Variants in CCDC175 observed in about 807,000 individuals in gnomAD.
The protein encoded by CCDC175 is coiled-coil domain containing 175, also known as coiled-coil domain-containing protein 175.
Under a neutral mutation model 114.6 loss-of-function variants are expected in CCDC175, and 100 were observed. That is an observed-to-expected ratio of 0.87 (90% CI 0.74 to 1.03). The LOEUF (loss-of-function observed/expected upper bound fraction) is 1.03. Among genes scored for constraint, CCDC175 ranks in the 50% least tolerant of loss-of-function variants. CCDC175 has a pLI of 0.00. For missense variants in CCDC175, 880 were observed against 917.8 expected, an observed-to-expected ratio of 0.96 and a Z score of 0.53; for synonymous variants, 306 against 308.7, an observed-to-expected ratio of 0.99 and a Z score of 0.09.
At chr14:59,535,567 T>C (rs1480649937) in intron 13 of CCDC175, among the ~76,000 whole-genome samples, 1 of 152,222 alleles carries the variant, frequency 6.6e-6, no homozygotes, top group Non-Finnish European at 1.5e-5. Context: ...GCTACCTTCA[T>C]TTCTAACTTG....
At chr14:59,518,193 T>C (rs1254666296) in intron 17 of CCDC175, among the ~76,000 whole-genome samples, 1 of 152,158 alleles carries the variant, frequency 6.6e-6, no homozygotes, top group Non-Finnish European at 1.5e-5. Context: ...AAGACTTAAA[T>C]CTTAGACCTA....
chr14:59,571,600 C>T (rs763592420), intron 3 of CCDC175, among the ~76,000 whole-genome samples: 9 of 152,020 alleles, frequency 5.9e-5, no homozygotes, highest in Non-Finnish European at 1.2e-4. Context: ...CCAGATAAAA[C>T]AAAAACAAAA....
At chr14:59,567,634 C>T (rs1165455196) in intron 4 of CCDC175, among the ~76,000 whole-genome samples, 1 of 152,156 alleles carries the variant, frequency 6.6e-6, no homozygotes, top group African/African-American at 2.4e-5. Context: ...TTGTGATCCC[C>T]ATTTCACAGA....
chr14:59,511,882 GT>G (rs1255022968), intron 17 of CCDC175, 79 bp from the exon 18 acceptor site: 3 of 1,110,414 alleles, frequency 2.7e-6, no homozygotes, highest in South Asian at 1.5e-5. Context: ...ATTCATTTTT[GT>G]TTTTTCAAAA....
chr14:59,548,406 T>A (rs1442016266), intron 8 of CCDC175, among the ~76,000 whole-genome samples: 1 of 152,156 alleles, frequency 6.6e-6, no homozygotes, highest in Non-Finnish European at 1.5e-5. Context: ...TAAGAGCCCA[T>A]AGTTTCTACC....
Position 59,563,772 on chromosome 14 carries a change from A to T in CCDC175, c.808T>A (p.Ser270Thr). 1 of 1,439,138 alleles carries T rather than the reference A, an allele frequency of 6.9e-7. No individual in the cohort carries two copies. Among genetic ancestry groups the T allele is most frequent in the Non-Finnish European group, 9.1e-7 (1 of 1,097,022 alleles). The allele number at this position is 1,439,138 out of a possible 1,614,324, so 89.1% of individuals were successfully genotyped here. ...ACAGTAACTGTTTCTTTTATTTTTG[A>T]CATTTTAGTTTGTAATTTATCCAAT... ...KELDKLQTKM[S>T]KIKETVTVSA... is the part of the protein sequence containing the mutation. Residue 270 changes from serine to threonine, a missense_variant, in exon 6 of 20, where the codon TCA (serine) becomes ACA (threonine). Ser to Thr is a moderately conservative substitution (Grantham distance 58). Transcript: ENST00000537690.
In CCDC175 at chr14:59,565,171, T is replaced by A. The variant is rs1175915288; in HGVS notation, c.596A>T (p.Tyr199Phe). 1 of 1,537,908 alleles carries A rather than the reference T, an allele frequency of 6.5e-7. No individual in the cohort carries two copies. Among genetic ancestry groups the A allele is most frequent in the African/African-American group, 1.4e-5 (1 of 73,178 alleles). ...TTCTCTCTTCAAGTTTATTTTGGTATAAGTCTCATTTATGTAAACAGTGGT... is the reference window on the plus strand; with the variant it reads ...TTCTCTCTTCAAGTTTATTTTGGTAAAAGTCTCATTTATGTAAACAGTGGT... ...ATTTVYINETYTKINLKREDI... is the reference protein window; with the variant it reads ...ATTTVYINETFTKINLKREDI... Residue 199 changes from tyrosine to phenylalanine, a missense_variant, in exon 5 of 20, where the codon TAT becomes TTT. Coordinates refer to ENST00000537690, the MANE Select transcript of CCDC175 (RefSeq NM_001164399.2).
intron 7 of CCDC175, among the ~76,000 whole-genome samples, chr14:59,553,763 AG>A (rs2140081890): frequency 6.6e-6 from 1 of 152,324 alleles, no homozygotes; most frequent in East Asian, 1.9e-4. Flanking sequence ...TAAAGGATGG[AG>A]GAAGATCTAC....
intron 17 of CCDC175, 55 bp from the exon 18 acceptor site, chr14:59,511,858 A>G: frequency 7.9e-7 from 1 of 1,259,236 alleles, no homozygotes; most frequent in Non-Finnish European, 1.1e-6. Context: ...GAACATTTTA[A>G]TAAAAGTCGT....
At chr14:59,555,660 A>G (rs1406322369) in intron 7 of CCDC175, among the ~76,000 whole-genome samples, 1 of 152,220 alleles carries the variant, frequency 6.6e-6, no homozygotes, top group Non-Finnish European at 1.5e-5. Context: ...AATTAGGAAA[A>G]GAGGAAGTCA....
At chr14:59,538,684 A>G (rs1202556334) in intron 12 of CCDC175, 21 bp downstream of exon 12, 7 of 1,519,858 alleles carry the variant, frequency 4.6e-6, no homozygotes, top group Non-Finnish European at 6.1e-6. Flanking sequence ...GACTAATTCT[A>G]AGTTCTTTCA....
At chr14:59,541,376 A>G (rs376641271) in intron 10 of CCDC175, among the ~76,000 whole-genome samples, 33 of 152,352 alleles carry the variant, frequency 2.2e-4, no homozygotes, top group African/African-American at 6.5e-4. Context: ...CATAGGTAAC[A>G]GAAGCCTTTA....
chr14:59,513,142 C>A (rs1222749171), intron 17 of CCDC175, among the ~76,000 whole-genome samples: 1 of 152,102 alleles, frequency 6.6e-6, no homozygotes, highest in Non-Finnish European at 1.5e-5. Context: ...CAATGAAATT[C>A]AAGCATTGCT....
chr14:59,540,891 G>T, intron 10 of CCDC175, 145 bp from the exon 11 acceptor site: 2 of 703,098 alleles, frequency 2.8e-6, no homozygotes, highest in Non-Finnish European at 4.6e-6. Context: ...AAACATTTCA[G>T]TGGCAGACTG....
chr14:59,576,552 C>T, intron 1 of CCDC175, 67 bp downstream of exon 1: 1 of 1,336,952 alleles, frequency 7.5e-7, no homozygotes, highest in Non-Finnish European at 9.6e-7. Flanking sequence ...CTCAGGGTTC[C>T]CGCTGAGTGC....
intron 17 of CCDC175, among the ~76,000 whole-genome samples, chr14:59,519,170 G>A (rs148359079): frequency 0.025 from 3,860 of 152,186 alleles, 65 homozygotes; most frequent in Non-Finnish European, 0.037. Flanking sequence ...GCCTGTTGTC[G>A]GTGGGTTATG....
chr14:59,536,877 G>GTTCAGGTAA (rs1286370362), intron 13 of CCDC175, among the ~76,000 whole-genome samples: 3 of 152,120 alleles, frequency 2.0e-5, no homozygotes, highest in African/African-American at 7.2e-5. Flanking sequence ...TGCCTGCTGG[G>GTTCAGGTAA]TTCAGGTAAT....
At chr14:59,549,916 TTG>T (rs112384517) in intron 8 of CCDC175, among the ~76,000 whole-genome samples, 3,032 of 151,986 alleles carry the variant, frequency 0.02, 91 homozygotes, top group African/African-American at 0.069. Flanking sequence ...ATACATACTG[TTG>T]TTTCTCTTTT....
rs1255753361 is a variant in CCDC175, at chr14:59,565,294, TCA to T, written c.492-21_492-20del. 5.2e-6 allele frequency: 8 copies of T among 1,524,982 alleles called. No homozygotes were observed. The highest frequency in any genetic ancestry group is 4.1e-5 in the African/African-American group (3 of 72,388). 94.5% of individuals were successfully genotyped at this position (1,524,982 alleles called of 1,614,324 possible). ...CTTCTCCCTGGGAGGAAAGAATTGCTCACAGAGTGAGAAGCACAGCTCCTAAG... is the reference window on the plus strand; with the variant it reads ...CTTCTCCCTGGGAGGAAAGAATTGCTCAGAGTGAGAAGCACAGCTCCTAAG... On this transcript the variant is annotated intron_variant, in intron 4 of 19. Transcript: ENST00000537690.
Sources: gnomAD v4.1 joint callset for allele counts (sites outside exome capture counted in the v4.1 genomes callset) on GRCh38, gnomAD v4.1.1 for gene constraint, MANE v1.5 for transcripts, NCBI Gene and HGNC (gene_info 2026-07-23, HGNC 2026-07-21) for gene names.